Variants in SPMIP2 observed in about 807,000 individuals in gnomAD.
The protein encoded by SPMIP2 is sperm microtubule inner protein 2.
the SPMIP2 span, among the ~76,000 whole-genome samples, chr4:158,920,428 A>T: frequency 2.0e-5 from 3 of 152,128 alleles, no homozygotes; most frequent in African/African-American, 7.2e-5. Context: ...AGTAGGAGAG[A>T]TATTGCTAAA....
the SPMIP2 span, chr4:158,905,294 C>G: frequency 6.6e-6 from 1 of 152,182 alleles, no homozygotes; most frequent in East Asian, 1.9e-4. Flanking sequence ...TTTGTAGCAG[C>G]AAAGTGTACA....
At chr4:158,995,003 T>C in the SPMIP2 span, among the ~76,000 whole-genome samples, 4 of 152,252 alleles carry the variant, frequency 2.6e-5, no homozygotes, top group Admixed American at 2.6e-4. Context: ...AATTTCTGAA[T>C]GAGCCAAATA....
At chr4:158,928,952 TC>T in the SPMIP2 span, among the ~76,000 whole-genome samples, 1 of 151,980 alleles carries the variant, frequency 6.6e-6, no homozygotes, top group Non-Finnish European at 1.5e-5. Flanking sequence ...CATCAGAACA[TC>T]AGAAGGAACA....
At chr4:158,923,691 G>A in the SPMIP2 span, among the ~76,000 whole-genome samples, 1 of 152,118 alleles carries the variant, frequency 6.6e-6, no homozygotes, top group Admixed American at 6.5e-5. Context: ...TCTCCAATAT[G>A]ATGCCTTTTA....
At chr4:158,989,405 A>G in the SPMIP2 span, among the ~76,000 whole-genome samples, 34 of 152,234 alleles carry the variant, frequency 2.2e-4, no homozygotes, top group Non-Finnish European at 8.8e-5. Flanking sequence ...GAAACCAAAA[A>G]AGAGCCCACA....
At chr4:158,984,375 C>G in the SPMIP2 span, among the ~76,000 whole-genome samples, 6 of 148,896 alleles carry the variant, frequency 4.0e-5, no homozygotes, top group African/African-American at 1.5e-4. Flanking sequence ...TGACCACATA[C>G]TTGGGAGTAA....
At chr4:158,896,720 AT>A in the SPMIP2 span, among the ~76,000 whole-genome samples, 3 of 148,394 alleles carry the variant, frequency 2.0e-5, no homozygotes, top group Non-Finnish European at 4.4e-5. Context: ...TTTACAAAGT[AT>A]TTCCCCCTTA....
At chr4:158,931,429 G>A in the SPMIP2 span, among the ~76,000 whole-genome samples, 2 of 152,052 alleles carry the variant, frequency 1.3e-5, no homozygotes, top group African/African-American at 2.4e-5. Context: ...TTGTAATTTT[G>A]TAATTTTAGT....
the SPMIP2 span, among the ~76,000 whole-genome samples, chr4:158,917,906 A>G: frequency 6.6e-6 from 1 of 151,818 alleles, no homozygotes. Flanking sequence ...TTTAGTAGAG[A>G]CAGGGTTTCA....
the SPMIP2 span, among the ~76,000 whole-genome samples, chr4:159,047,486 C>G: frequency 6.6e-6 from 1 of 151,822 alleles, no homozygotes; most frequent in Non-Finnish European, 1.5e-5. Context: ...TGCCTTGTTC[C>G]ATTGATTGAT....
chr4:158,939,931 C>T, the SPMIP2 span, among the ~76,000 whole-genome samples: 1 of 152,166 alleles, frequency 6.6e-6, no homozygotes, highest in African/African-American at 2.4e-5. Flanking sequence ...TAGCATGTTC[C>T]GAGGTCATCT....
chr4:158,926,751 G>A, the SPMIP2 span, among the ~76,000 whole-genome samples: 1 of 152,142 alleles, frequency 6.6e-6, no homozygotes, highest in Admixed American at 6.5e-5. Context: ...ATCTGTAATT[G>A]AAAGTGGAGC....
the SPMIP2 span, among the ~76,000 whole-genome samples, chr4:158,964,175 AAC>A: frequency 0.012 from 845 of 70,612 alleles, 26 homozygotes; most frequent in South Asian, 0.039. Flanking sequence ...AACAAAACAA[AAC>A]AAAACAAAAC....
chr4:159,046,992 CAG>C, the SPMIP2 span, among the ~76,000 whole-genome samples: 1 of 152,158 alleles, frequency 6.6e-6, no homozygotes, highest in South Asian at 2.1e-4. Flanking sequence ...GGTTGATGGA[CAG>C]AGAGTTGGAA....
chr4:159,067,762 T>C, the SPMIP2 span, among the ~76,000 whole-genome samples: 1 of 152,290 alleles, frequency 6.6e-6, no homozygotes, highest in East Asian at 1.9e-4. Context: ...CCTACTCATC[T>C]GACAAAGGGC....
the SPMIP2 span, among the ~76,000 whole-genome samples, chr4:158,948,494 A>C: frequency 0.14 from 20,914 of 151,936 alleles, 2,917 homozygotes; most frequent in African/African-American, 0.36. Context: ...CATATTGATT[A>C]CTGATCCTCT....
chr4:159,018,707 A>T, the SPMIP2 span, among the ~76,000 whole-genome samples: 4 of 152,280 alleles, frequency 2.6e-5, no homozygotes, highest in Non-Finnish European at 5.9e-5. Flanking sequence ...GAATTACTGC[A>T]ATCAATTTGG....
chr4:159,012,464 GA>G, the SPMIP2 span, among the ~76,000 whole-genome samples: 1 of 152,196 alleles, frequency 6.6e-6, no homozygotes, highest in African/African-American at 2.4e-5. Context: ...ACCCAGAGAG[GA>G]AAGATCAGAA....
chr4:158,987,841 G>T, the SPMIP2 span, among the ~76,000 whole-genome samples: 1 of 151,782 alleles, frequency 6.6e-6, no homozygotes, highest in Admixed American at 6.6e-5. Flanking sequence ...AAGAATTAGA[G>T]AAGCAAGAGC....
Sources: allele counts gnomAD v4.1 joint callset (sites outside exome capture counted in the v4.1 genomes callset), GRCh38; gene constraint gnomAD v4.1.1; transcripts MANE v1.5; gene names NCBI Gene and HGNC (gene_info 2026-07-23, HGNC 2026-07-21).